GRIN2B: variants seen among roughly 807,000 people sequenced by gnomAD.
GRIN2B encodes glutamate ionotropic receptor NMDA type subunit 2B, also known as glutamate receptor ionotropic, NMDA 2B.
Under a neutral mutation model 114.5 loss-of-function variants are expected in GRIN2B, and 5 were observed. The observed-to-expected ratio is 0.04, with a 90% confidence interval of 0.02 to 0.09. The LOEUF (loss-of-function observed/expected upper bound fraction) is 0.09, where lower values mean the gene tolerates loss of function less well. Among genes scored for constraint, GRIN2B ranks in the 10% least tolerant of loss-of-function variants. GRIN2B has a pLI of 1.00. For synonymous variants in GRIN2B, 787 were observed against 745.1 expected, an observed-to-expected ratio of 1.06 and a Z score of -0.92; for missense variants, 1,108 against 1,943.5, an observed-to-expected ratio of 0.57 and a Z score of 8.08.
intron 2 of GRIN2B, among the ~76,000 whole-genome samples, chr12:13,922,156 T>G (rs1420329746): frequency 6.6e-6 from 1 of 152,096 alleles, no homozygotes; most frequent in African/African-American, 2.4e-5. Flanking sequence ...TGGATTTGAG[T>G]AGTGTAAAAT....
chr12:13,724,795 A>T (rs1259458997), intron 4 of GRIN2B, among the ~76,000 whole-genome samples: 1 of 152,064 alleles, frequency 6.6e-6, no homozygotes, highest in Non-Finnish European at 1.5e-5. Flanking sequence ...ATTGTTTCCC[A>T]TATAAACTCC....
intron 3 of GRIN2B, among the ~76,000 whole-genome samples, chr12:13,772,436 A>C (rs1178960404): frequency 6.6e-6 from 1 of 151,934 alleles, no homozygotes; most frequent in Admixed American, 6.6e-5. Flanking sequence ...TAAACCACCC[A>C]CTTCTCACTC....
Position 13,607,374 on chromosome 12 carries a change from T to A in GRIN2B, c.2010+1229A>T, listed in dbSNP as rs1591637551. On this transcript the variant is annotated intron_variant, in intron 10 of 13. Transcript: ENST00000609686. Reference sequence around the variant, plus strand: ...TAAAATATATAATATATATTATATATTATATATATAATATATATTATATAT... The same window carrying A: ...TAAAATATATAATATATATTATATAATATATATATAATATATATTATATAT... 2.8e-4 allele frequency among the ~76,000 whole-genome samples: 11 copies of A among 38,834 alleles called. 1 individual carries two copies. The highest frequency in any genetic ancestry group is 4.7e-4 in the South Asian group (1 of 2,136). 25.5% of individuals were successfully genotyped at this position (38,834 alleles called of 152,430 possible).
At position 13,679,228 on chromosome 12, in the gene GRIN2B, G is replaced by A. The variant is rs1454058303; in HGVS notation, c.1011-3369C>T. On this transcript the variant is annotated intron_variant, in intron 4 of 13. Coordinates refer to ENST00000609686, the MANE Select transcript of GRIN2B (RefSeq NM_000834.5). ...TTAAAGGAAAGTATCTATTTCAGAA[G>A]GCAATTACAAAAGAGAAGTTCCAAA... Among the ~76,000 whole-genome samples the A allele has an allele frequency of 4.5e-4, 68 of 152,056 alleles. 1 individual carries two copies. Among genetic ancestry groups the A allele is most frequent in the Non-Finnish European group, 8.8e-5 (6 of 67,992 alleles).
At chr12:13,972,226 T>A (rs1318852690) in intron 2 of GRIN2B, among the ~76,000 whole-genome samples, 1 of 152,216 alleles carries the variant, frequency 6.6e-6, no homozygotes, top group African/African-American at 2.4e-5. Context: ...GTTGTTATTC[T>A]TGTTTAGTTT....
At chr12:13,579,161 T>C (rs189647356) in intron 10 of GRIN2B, among the ~76,000 whole-genome samples, 267 of 152,136 alleles carry the variant, frequency 1.8e-3, no homozygotes, top group Middle Eastern at 3.4e-3. Flanking sequence ...GTGAGAAAGA[T>C]TGGGCATGAT....
chr12:13,819,241 A>C (rs1332406775), intron 3 of GRIN2B, among the ~76,000 whole-genome samples: 1 of 152,190 alleles, frequency 6.6e-6, no homozygotes, highest in Non-Finnish European at 1.5e-5. Flanking sequence ...GCCTCAGGAG[A>C]AACCAAACCT....
At chr12:13,974,955 G>A (rs553319384) in intron 2 of GRIN2B, among the ~76,000 whole-genome samples, 1 of 152,294 alleles carries the variant, frequency 6.6e-6, no homozygotes, top group African/African-American at 2.4e-5. Flanking sequence ...AAAAGAAAGA[G>A]AGGAATCAGT....
At chr12:13,841,072 C>G (rs1865370422) in intron 3 of GRIN2B, among the ~76,000 whole-genome samples, 1 of 152,114 alleles carries the variant, frequency 6.6e-6, no homozygotes, top group Admixed American at 6.6e-5. Context: ...GATATTAACT[C>G]AAAGCAAAGA....
chr12:13,581,779 G>A (rs552303130), intron 10 of GRIN2B, among the ~76,000 whole-genome samples: 11 of 152,098 alleles, frequency 7.2e-5, no homozygotes, highest in African/African-American at 1.4e-4. Context: ...GTGTGGTGGC[G>A]CATGCCTGTA....
intron 2 of GRIN2B, among the ~76,000 whole-genome samples, chr12:13,912,653 G>A (rs1215097922): frequency 6.6e-6 from 1 of 152,162 alleles, no homozygotes; most frequent in Non-Finnish European, 1.5e-5. Flanking sequence ...GAAGGAGTGT[G>A]CCCTTAATAT....
intron 3 of GRIN2B, among the ~76,000 whole-genome samples, chr12:13,863,259 C>A (rs893560698): frequency 6.6e-6 from 1 of 152,198 alleles, no homozygotes; most frequent in African/African-American, 2.4e-5. Context: ...TCCACCATTT[C>A]ATACCCTTGT....
At chr12:13,910,119 T>C (rs1290466272) in intron 2 of GRIN2B, among the ~76,000 whole-genome samples, 1 of 152,184 alleles carries the variant, frequency 6.6e-6, no homozygotes, top group Non-Finnish European at 1.5e-5. Flanking sequence ...GGTTATTTCA[T>C]TACTGACAAA....
chr12:13,771,746 T>C (rs1863913083), intron 3 of GRIN2B, among the ~76,000 whole-genome samples: 1 of 152,230 alleles, frequency 6.6e-6, no homozygotes, highest in African/African-American at 2.4e-5. Flanking sequence ...GCCAAGAATA[T>C]ACGTGAGGAT....
At chr12:13,834,148 A>G (rs1591758202) in intron 3 of GRIN2B, among the ~76,000 whole-genome samples, 1 of 142,814 alleles carries the variant, frequency 7.0e-6, no homozygotes. Context: ...CTCCTGCCTC[A>G]GCCTCCTGAG....
At chr12:13,707,102 C>T (rs61912095) in intron 4 of GRIN2B, among the ~76,000 whole-genome samples, 9,921 of 152,122 alleles carry the variant, frequency 0.065, 414 homozygotes, top group East Asian at 0.18. Context: ...AACACAAGAT[C>T]GTAATTAAAG....
At chr12:13,762,028 G>A (rs1863688296) in intron 3 of GRIN2B, among the ~76,000 whole-genome samples, 1 of 151,972 alleles carries the variant, frequency 6.6e-6, no homozygotes, top group South Asian at 2.1e-4. Context: ...TTTTGGAAGG[G>A]AGTCTAGCTC....
intron 3 of GRIN2B, among the ~76,000 whole-genome samples, chr12:13,835,763 T>C (rs1376994956): frequency 1.5e-5 from 1 of 68,284 alleles, no homozygotes; most frequent in African/African-American, 6.3e-5. Context: ...AGGGAAAACA[T>C]AGCACATTAA....
chr12:13,920,883 C>A (rs534331960), intron 2 of GRIN2B, among the ~76,000 whole-genome samples: 11 of 152,122 alleles, frequency 7.2e-5, no homozygotes, highest in African/African-American at 2.7e-4. Flanking sequence ...TTCAAAATAC[C>A]CAAGGTGGCT....
Sources: gnomAD v4.1 joint callset for allele counts (sites outside exome capture counted in the v4.1 genomes callset) on GRCh38, gnomAD v4.1.1 for gene constraint, MANE v1.5 for transcripts, NCBI Gene and HGNC (gene_info 2026-07-23, HGNC 2026-07-21) for gene names.